The following NAA38 variants were observed in gnomAD, a reference collection of about 807,000 sequenced individuals.
NAA38 encodes the protein LSM domain containing 1.
Under a neutral mutation model 12.6 loss-of-function variants are expected in NAA38, and 15 were observed. The ratio of observed to expected loss-of-function variants is 1.19; its 90% confidence interval spans 0.79 to 1.83. NAA38 has a LOEUF of 1.83. Ranked by LOEUF, NAA38 falls within the 40% of genes most tolerant of loss-of-function variation. The probability of loss-of-function intolerance (pLI) is 0.00; values close to 1 mark genes in which losing one functional copy is unlikely to be tolerated. For missense variants in NAA38, 183 were observed against 171.7 expected (o/e 1.07, Z -0.37); for synonymous variants, 88 against 69.9 (o/e 1.26, Z -1.29).
intron 2 of NAA38, among the ~76,000 whole-genome samples, chr17:7,870,548 T>C (rs1233009403): frequency 1.3e-5 from 2 of 152,196 alleles, no homozygotes; most frequent in Non-Finnish European, 2.9e-5. Context: ...TACAGAGAAC[T>C]ATTCCATAGC....
chr17:7,857,935 C>T, upstream of NAA38: 1 of 1,431,038 alleles, frequency 7.0e-7, no homozygotes, highest in Non-Finnish European at 9.1e-7. Flanking sequence ...ACTACGTTTC[C>T]CGTGAACACG....
intron 2 of NAA38, 42 bp from the exon 3 acceptor site, chr17:7,856,885 C>G (rs756439936): frequency 1.6e-5 from 25 of 1,602,224 alleles, no homozygotes; most frequent in Non-Finnish European, 2.1e-5. Context: ...AGGCCAGAAT[C>G]AGTCCCGCCC....
upstream of NAA38, chr17:7,859,678 G>A (rs2078868792): frequency 6.6e-7 from 1 of 1,504,354 alleles, no homozygotes; most frequent in Admixed American, 1.7e-5. Flanking sequence ...TGTGCCTTGA[G>A]GAAAAGTGGT....
chr17:7,870,131 CT>C (rs1437230660), intron 2 of NAA38, among the ~76,000 whole-genome samples: 1 of 152,110 alleles, frequency 6.6e-6, no homozygotes, highest in Non-Finnish European at 1.5e-5. Context: ...ATGGTGGCCC[CT>C]GTGCTTGTAA....
rs138348025 is a variant in NAA38 at position 7,871,857 on chromosome 17, G to A, written c.-65-5299C>T. 1.3e-4 allele frequency among the ~76,000 whole-genome samples: 20 copies of A among 152,222 alleles called. No homozygotes were observed. The East Asian group carries it at 3.5e-3, about 26-fold the overall frequency. ...TTTAGTAGTGATGGGGTTTCACCAC[G>A]TTGGCCAGGCTGGTCTCGAACTCCT... On this transcript the variant is annotated intron_variant, in intron 2 of 4. Coordinates refer to the NAA38 transcript ENST00000576861.
intron 2 of NAA38, among the ~76,000 whole-genome samples, chr17:7,869,094 G>C (rs1232197820): frequency 4.6e-5 from 7 of 152,212 alleles, no homozygotes; most frequent in African/African-American, 1.4e-4. Context: ...AGAGAGAAGT[G>C]GCTAACAGTA....
chr17:7,869,183 A>C (rs1267051382), intron 2 of NAA38, among the ~76,000 whole-genome samples: 1 of 152,220 alleles, frequency 6.6e-6, no homozygotes, highest in Non-Finnish European at 1.5e-5. Context: ...TAGCTCACTT[A>C]AACCTCACCA....
intron 1 of NAA38, chr17:7,884,885 G>C: frequency 7.3e-7 from 1 of 1,363,552 alleles, no homozygotes; most frequent in South Asian, 1.4e-5. Flanking sequence ...GGAGGAAGAA[G>C]AGGGCGACGA....
intron 2 of NAA38, among the ~76,000 whole-genome samples, chr17:7,881,939 A>G (rs201711484): frequency 1.3e-5 from 2 of 151,282 alleles, no homozygotes; most frequent in East Asian, 4.0e-4. Flanking sequence ...GGAGGAGCAG[A>G]CAGGCAGGCA....
At chr17:7,866,518 T>C (rs1966986091) in exon 3 of NAA38, 5 of 1,231,600 alleles carry the variant, frequency 4.1e-6, no homozygotes, top group Non-Finnish European at 5.1e-6. Context: ...GATTTGGCTC[T>C]TTCAGGCTCT....
At position 7,878,770 on chromosome 17, in the gene NAA38, A is replaced by G. The variant is rs1341703704; in HGVS notation, c.-66+4465T>C. Among the ~76,000 whole-genome samples, 4 of 152,158 alleles carry G rather than the reference A, an allele frequency of 2.6e-5. No individual in the cohort carries two copies. The East Asian group carries it at 7.7e-4, about 29-fold the overall frequency. ...TTATTTAAAATGTTGTATAATTATA[A>G]AAGAAGTACATGTTGAAAATTTTCA... On this transcript the variant is annotated intron_variant, in intron 2 of 4. Transcript: ENST00000576861.
At chr17:7,871,249 A>G (rs911501691) in intron 2 of NAA38, among the ~76,000 whole-genome samples, 3 of 152,184 alleles carry the variant, frequency 2.0e-5, no homozygotes, top group Non-Finnish European at 1.5e-5. Flanking sequence ...CTTGAGCAAG[A>G]TATTTAACCT....
At chr17:7,874,388 TA>T (rs1238549320) in intron 2 of NAA38, among the ~76,000 whole-genome samples, 1 of 152,060 alleles carries the variant, frequency 6.6e-6, no homozygotes, top group African/African-American at 2.4e-5. Flanking sequence ...GGGTGATGAA[TA>T]GATCATTCAT....
chr17:7,884,960 C>A (rs1279983197), intron 1 of NAA38: 6 of 1,332,006 alleles, frequency 4.5e-6, no homozygotes, highest in African/African-American at 1.5e-5. Context: ...CGAGGGAGTA[C>A]TCGGGCGCGG....
rs1328051325 is a variant in NAA38 at position 7,884,855 on chromosome 17, G to C, written c.-167+310C>G. On this transcript the variant is annotated intron_variant, in intron 1 of 4. Coordinates refer to the NAA38 transcript ENST00000576861. ...GGAGGAGGAGGAGGAGGAGATGGTG[G>C]TGTCGGAGGAGGAAGAAGAGGAGGA... 2 of 1,161,438 alleles carry C rather than the reference G, an allele frequency of 1.7e-6. 1 individual carries two copies. The highest frequency in any genetic ancestry group is 4.7e-5 in the Admixed American group (2 of 42,618). 71.9% of individuals were successfully genotyped at this position (1,161,438 alleles called of 1,614,324 possible).
upstream of NAA38, chr17:7,859,919 T>G (rs944509613): frequency 5.9e-6 from 2 of 336,240 alleles, no homozygotes; most frequent in African/African-American, 4.2e-5. Context: ...AGAGAGTAGT[T>G]CTACAGGGGT....
chr17:7,858,721 A>G (rs1190486022), upstream of NAA38: 20 of 1,609,250 alleles, frequency 1.2e-5, no homozygotes, highest in South Asian at 2.2e-5. Flanking sequence ...GATTTTGGGA[A>G]GCCCTGGTGG....
chr17:7,885,109 C>G lies in NAA38; in HGVS notation c.-167+56G>C, dbSNP rs191420949. The G allele has an allele frequency of 2.6e-4, 253 of 982,808 alleles. No individual in the cohort carries two copies. The East Asian group carries it at 6.4e-3, about 25-fold the overall frequency. 60.9% of individuals were successfully genotyped at this position (982,808 alleles called of 1,614,324 possible). A position where few individuals can be genotyped will look rare whatever the true frequency, so the allele number is the denominator to read the frequency against. ...GTAAGCGCCCGCCCCGACTCCCCCC[C>G]CAAGCCCGAGTGGGAGCCGCGGGCG... is the stretch of plus-strand genomic sequence containing the variant. On this transcript the variant is annotated intron_variant, in intron 1 of 4. Transcript: ENST00000576861.
chr17:7,868,840 C>G (rs1967034410), intron 2 of NAA38, among the ~76,000 whole-genome samples: 2 of 152,212 alleles, frequency 1.3e-5, no homozygotes, highest in Admixed American at 1.3e-4. Context: ...CAGTTTCCAA[C>G]CTAACAATAG....
Sources: gnomAD v4.1 joint callset for allele counts (sites outside exome capture counted in the v4.1 genomes callset) on GRCh38, gnomAD v4.1.1 for gene constraint, MANE v1.5 for transcripts, NCBI Gene and HGNC (gene_info 2026-07-23, HGNC 2026-07-21) for gene names.